DBH: variants seen among roughly 807,000 people sequenced by gnomAD.
DBH encodes dopamine beta-hydroxylase (dopamine beta-monooxygenase).
Under a neutral mutation model 64.0 loss-of-function variants are expected in DBH, and 49 were observed. The ratio of observed to expected loss-of-function variants is 0.77; its 90% CI spans 0.61 to 0.97. The LOEUF (loss-of-function observed/expected upper bound fraction) is 0.97. DBH is among the 50% of genes least tolerant of loss of function. The pLI is 0.00. For missense variants in DBH, 828 were observed against 826.6 expected, an observed-to-expected ratio of 1.00 and a Z score of -0.02; for synonymous variants, 343 against 347.1, an observed-to-expected ratio of 0.99 and a Z score of 0.13.
In DBH at chr9:133,650,459, CTTTTCTTTTTCTTTCT is replaced by C. The variant is rs1554735553; in HGVS notation, c.1192-1155_1192-1140del. Among the ~76,000 whole-genome samples the C allele has an allele frequency of 1.5e-4, 23 of 149,054 alleles. No individual in the cohort carries two copies. In the South Asian group the frequency reaches 3.0e-3, roughly 19 times the overall value. On this transcript the variant is annotated intron_variant, in intron 6 of 11. Transcript: ENST00000393056. Reference sequence around the variant, plus strand: ...CTTCTTTCCTTCTTTTCTTTCCTTTCTTTTCTTTTTCTTTCTTTTTCTTTTTCTTTCTTTTCTTTCC... The same window carrying C: ...CTTCTTTCCTTCTTTTCTTTCCTTTCTTTTCTTTTTCTTTCTTTTCTTTCC...
chr9:133,653,041 T>C (rs1564213670), intron 9 of DBH, 42 bp downstream of exon 9: 7 of 1,485,778 alleles, frequency 4.7e-6, no homozygotes, highest in Non-Finnish European at 5.6e-6. Flanking sequence ...CCAGGGCGAG[T>C]GTTCAGCCTG....
Position 133,658,520 on chromosome 9 carries a change from C to A in DBH, c.*73C>A. The A allele has an allele frequency of 6.8e-7, 1 of 1,465,718 alleles. No homozygotes were observed. Among genetic ancestry groups the A allele is most frequent in the Admixed American group, 2.3e-5 (1 of 42,980 alleles). 90.8% of individuals were successfully genotyped at this position (1,465,718 alleles called of 1,614,324 possible). On this transcript the variant is annotated 3_prime_UTR_variant, in exon 12 of 12. Transcript: ENST00000393056. Reference sequence around the variant, plus strand: ...CACCGGCACTGTGCACTCTACTCTGCGACGATCCCCATGGAACAGCCCTGC... The same window carrying A: ...CACCGGCACTGTGCACTCTACTCTGAGACGATCCCCATGGAACAGCCCTGC...
At chr9:133,651,221 G>C (rs962733654) in intron 6 of DBH, among the ~76,000 whole-genome samples, 1 of 152,260 alleles carries the variant, frequency 6.6e-6, no homozygotes, top group Non-Finnish European at 1.5e-5. Flanking sequence ...TCTGCCACTT[G>C]CTTTTCCCTG....
chr9:133,641,573 G>A (rs972525791), intron 2 of DBH, among the ~76,000 whole-genome samples: 5 of 152,220 alleles, frequency 3.3e-5, no homozygotes, highest in East Asian at 1.9e-4. Flanking sequence ...GCTATGAAAG[G>A]CACTTTCCAC....
rs1832202017 is a variant in DBH at position 133,647,908 on chromosome 9, G to C, written c.1087G>C (p.Gly363Arg). ...YTAKLRRFNA[G>R]IMELGLVYTP... ...AGCCAAGCTGCGGCGCTTCAACGCG[G>C]GGATCATGGAGCTGGGACTGGTGTA... Residue 363 changes from glycine to arginine, a missense_variant, in exon 6 of 12, where the codon GGG (glycine) becomes CGG (arginine). Coordinates refer to ENST00000393056, the MANE Select transcript of DBH (RefSeq NM_000787.4). The C allele has an allele frequency of 6.2e-7, 1 of 1,614,090 alleles. No individual in the cohort carries two copies. Among genetic ancestry groups the C allele is most frequent in the South Asian group, 1.1e-5 (1 of 91,088 alleles).
At chr9:133,646,394 G>A (rs1541332) in intron 5 of DBH, among the ~76,000 whole-genome samples, 77,698 of 151,812 alleles carry the variant, frequency 0.51, 20,821 homozygotes, top group East Asian at 0.97. Flanking sequence ...TAGATCCTCC[G>A]CCAACCATGA....
At chr9:133,648,090 C>G (rs958886283) in intron 6 of DBH, 78 bp downstream of exon 6, 60 of 1,495,942 alleles carry the variant, frequency 4.0e-5, no homozygotes, top group Non-Finnish European at 5.1e-5. Context: ...TCGTGGCCCA[C>G]GAAGGGTGGC....
At chr9:133,637,793 T>C (rs1832070253) in intron 1 of DBH, among the ~76,000 whole-genome samples, 1 of 152,192 alleles carries the variant, frequency 6.6e-6, no homozygotes, top group Non-Finnish European at 1.5e-5. Flanking sequence ...CTTGCCTGTG[T>C]CGCTAGTGAG....
chr9:133,657,557 G>A (rs1005838296), intron 11 of DBH, among the ~76,000 whole-genome samples: 2 of 151,700 alleles, frequency 1.3e-5, no homozygotes, highest in Non-Finnish European at 2.9e-5. Context: ...AGGAAGGGAG[G>A]GCAGGCACCC....
At chr9:133,641,491 C>T (rs1042769689) in intron 2 of DBH, among the ~76,000 whole-genome samples, 2 of 152,216 alleles carry the variant, frequency 1.3e-5, no homozygotes, top group Non-Finnish European at 2.9e-5. Context: ...ACAGGGCGGC[C>T]CATCGGCTTT....
In DBH at chr9:133,636,485, G is replaced by C; in HGVS notation, c.114G>C (p.Gln38His). ...IFLVILVAAL[Q>H]GSAPRESPLP... The stretch of plus-strand genomic sequence containing the variant: ...TGGTCATCCTGGTGGCCGCACTGCA[G>C]GGCTCGGCTCCCCGTGAGAGCCCCC... Residue 38 changes from glutamine (Q) to histidine (H), a missense_variant, in exon 1 of 12, where the codon CAG becomes CAC. By Grantham distance (24) the Gln-to-His change is conservative. Coordinates refer to ENST00000393056, the MANE Select transcript of DBH (RefSeq NM_000787.4). The C allele has an allele frequency of 6.2e-7, 1 of 1,613,260 alleles. No individual in the cohort carries two copies. The highest frequency in any genetic ancestry group is 8.5e-7 in the Non-Finnish European group (1 of 1,179,964).
intron 4 of DBH, 147 bp from the exon 5 acceptor site, chr9:133,644,071 T>C (rs1832150255): frequency 6.8e-6 from 5 of 732,010 alleles, no homozygotes. Context: ...ATGAGCTGCC[T>C]GTCAGGAGGA....
At chr9:133,653,860 A>G (rs1166691466) in intron 9 of DBH, among the ~76,000 whole-genome samples, 2 of 152,238 alleles carry the variant, frequency 1.3e-5, no homozygotes, top group Non-Finnish European at 2.9e-5. Flanking sequence ...GGCACAAGCC[A>G]GGGCTGTCCT....
chr9:133,644,967 ATG>A (rs77200067), intron 5 of DBH, among the ~76,000 whole-genome samples: 1 of 39,850 alleles, frequency 2.5e-5, no homozygotes, highest in Non-Finnish European at 6.8e-5. Flanking sequence ...GCACACACAC[ATG>A]CACACATGTA....
At chr9:133,636,748 C>T in intron 1 of DBH, 38 bp downstream of exon 1, 5 of 1,572,408 alleles carry the variant, frequency 3.2e-6, no homozygotes, top group Non-Finnish European at 4.3e-6. Flanking sequence ...CAAACCCTTC[C>T]TGACCCGGCA....
chr9:133,636,729 C>G lies in DBH; in HGVS notation c.339+19C>G, dbSNP rs1227349558. ...TTTTGCGGTGAGTCTCTCCTCCCTG[C>G]CAGCTCTCCAAACCCTTCCTGACCC... On this transcript the variant is annotated intron_variant, in intron 1 of 11. Transcript: ENST00000393056. 13 of 1,594,770 alleles carry G rather than the reference C, an allele frequency of 8.2e-6. No individual in the cohort carries two copies. The highest frequency in any genetic ancestry group is 1.1e-5 in the Non-Finnish European group (13 of 1,176,138).
chr9:133,644,228 A>G lies in DBH; in HGVS notation c.932A>G (p.Tyr311Cys), dbSNP rs560578268. ...AWALGAKAFYYPEEAGLAFGG... is the reference protein window; with the variant it reads ...AWALGAKAFYCPEEAGLAFGG... ...CCTTGCCCCACACAGGCATTTTACTACCCAGAGGAAGCCGGCCTTGCCTTC... is the reference window on the plus strand; with the variant it reads ...CCTTGCCCCACACAGGCATTTTACTGCCCAGAGGAAGCCGGCCTTGCCTTC... Residue 311 changes from tyrosine (Y) to cysteine (C), a missense_variant, in exon 5 of 12, where the codon TAC (tyrosine) becomes TGC (cysteine). Physicochemically the swap from Tyr to Cys is radical, Grantham distance 194. Transcript: ENST00000393056. 98 of 1,613,776 alleles carry G rather than the reference A, an allele frequency of 6.1e-5. No homozygotes were observed. In the South Asian group the frequency reaches 9.9e-4, roughly 16 times the overall value.
At chr9:133,646,147 A>C (rs990307857) in intron 5 of DBH, among the ~76,000 whole-genome samples, 1 of 151,892 alleles carries the variant, frequency 6.6e-6, no homozygotes, top group Admixed American at 6.6e-5. Flanking sequence ...TTGTGACTAG[A>C]ATTTTATATC....
intron 6 of DBH, among the ~76,000 whole-genome samples, chr9:133,649,843 G>A (rs1412839697): frequency 2.0e-5 from 3 of 152,222 alleles, no homozygotes; most frequent in Non-Finnish European, 2.9e-5. Flanking sequence ...CTGTGAGAAC[G>A]CCTCTCTCCA....
Sources: gnomAD v4.1 joint callset for allele counts (sites outside exome capture counted in the v4.1 genomes callset) on GRCh38, gnomAD v4.1.1 for gene constraint, MANE v1.5 for transcripts, NCBI Gene and HGNC (gene_info 2026-07-23, HGNC 2026-07-21) for gene names.